The following CDH1 variants were observed in gnomAD, a reference collection of about 807,000 sequenced individuals.
CDH1 encodes the protein cadherin 1, also known as cadherin-1.
CDH1 carries 35 observed loss-of-function variants against 84.5 expected under a neutral mutation model. That is an observed-to-expected ratio of 0.41 (90% confidence interval 0.32 to 0.55). The LOEUF is 0.55. Ranked by LOEUF, CDH1 falls within the 20% of genes least tolerant of loss-of-function variation. CDH1 has a pLI of 0.19. For missense variants in CDH1, 994 were observed against 1,126.6 expected, an observed-to-expected ratio of 0.88 and a Z score of 1.68; for synonymous variants, 417 against 439.0, an observed-to-expected ratio of 0.95 and a Z score of 0.63.
rs149972947 is a variant in CDH1 at position 68,781,113 on chromosome 16, A to T, written c.164-20557A>T. 2.0e-3 allele frequency among the ~76,000 whole-genome samples: 303 copies of T among 152,236 alleles called. 4 individuals carry two copies. Among genetic ancestry groups the T allele is most frequent in the East Asian group, 0.017 (88 of 5,178 alleles). On this transcript the variant is annotated intron_variant, in intron 2 of 15. Transcript: ENST00000261769. ...CTCCATGTTCTCCTCTCACCTTTTG[A>T]CCACCCTGTCCCCACTCCTCAGCTG... is the stretch of plus-strand genomic sequence containing the variant.
intron 2 of CDH1, among the ~76,000 whole-genome samples, chr16:68,745,622 T>TATATATGTATGTGTGTATATATATAC (rs1555510516): frequency 6.8e-6 from 1 of 146,712 alleles, no homozygotes; most frequent in Non-Finnish European, 1.5e-5. Context: ...TATATATATA[T>TATATATGTATGTGTGTATATATATAC]ATATGTATAT....
intron 2 of CDH1, among the ~76,000 whole-genome samples, chr16:68,766,024 C>G (rs1420558887): frequency 6.6e-6 from 1 of 152,090 alleles, no homozygotes; most frequent in Non-Finnish European, 1.5e-5. Flanking sequence ...CTTTGGGAGG[C>G]CAAGGCAGGC....
rs36037011 is a variant in CDH1 at position 68,737,599 on chromosome 16, C to G, written c.48+136C>G. The G allele has an allele frequency of 0.032, 26,545 of 820,962 alleles. 566 individuals carry two copies. Among genetic ancestry groups the G allele is most frequent in the Non-Finnish European group, 0.041 (21,237 of 515,840 alleles). The allele number at this position is 820,962 out of a possible 1,614,324, so 50.9% of individuals were successfully genotyped here. Reference sequence around the variant, plus strand: ...TTCGGGTCCTGAGGAGCGGAGCGGCCTGGAAGCCTCGCGCGCTCCGGACCC... The same window carrying G: ...TTCGGGTCCTGAGGAGCGGAGCGGCGTGGAAGCCTCGCGCGCTCCGGACCC... On this transcript the variant is annotated intron_variant, in intron 1 of 15. Coordinates refer to ENST00000261769, the MANE Select transcript of CDH1 (RefSeq NM_004360.5).
At chr16:68,788,376 A>G (rs1960121308) in intron 2 of CDH1, among the ~76,000 whole-genome samples, 1 of 152,212 alleles carries the variant, frequency 6.6e-6, no homozygotes, top group Non-Finnish European at 1.5e-5. Context: ...TTGAGCTGTC[A>G]TCACAATCCA....
Position 68,796,548 on chromosome 16 carries a change from CTGA to C in CDH1, c.164-5121_164-5119del, listed in dbSNP as rs1243092209. On this transcript the variant is annotated intron_variant, in intron 2 of 15. Coordinates refer to ENST00000261769, the MANE Select transcript of CDH1 (RefSeq NM_004360.5). ...TGGCAATTTCAAGCAAGGAATGTTG[CTGA>C]ATGCTCAGAGCCTGCCCCAGGACCA... Among the ~76,000 whole-genome samples the C allele has an allele frequency of 2.6e-5, 4 of 152,086 alleles. No individual in the cohort carries two copies. In the East Asian group the frequency reaches 7.7e-4, roughly 29 times the overall value.
At chr16:68,768,041 C>T (rs1040096934) in intron 2 of CDH1, among the ~76,000 whole-genome samples, 8 of 152,002 alleles carry the variant, frequency 5.3e-5, no homozygotes, top group Non-Finnish European at 1.2e-4. Context: ...CTGCAACCTC[C>T]GCCTCCCGGG....
intron 10 of CDH1, among the ~76,000 whole-genome samples, 161 bp from the exon 11 acceptor site, chr16:68,819,119 G>A (rs1390194878): frequency 3.3e-5 from 5 of 152,134 alleles, no homozygotes; most frequent in African/African-American, 7.2e-5. Context: ...GCCTCCCAAA[G>A]TGTTGGGATT....
At chr16:68,776,939 C>G (rs1471286150) in intron 2 of CDH1, among the ~76,000 whole-genome samples, 1 of 152,214 alleles carries the variant, frequency 6.6e-6, no homozygotes, top group Non-Finnish European at 1.5e-5. Flanking sequence ...GACTTAACCT[C>G]AAGTATGTCT....
At chr16:68,738,758 G>A (rs1186674440) in intron 2 of CDH1, among the ~76,000 whole-genome samples, 1 of 151,752 alleles carries the variant, frequency 6.6e-6, no homozygotes, top group Non-Finnish European at 1.5e-5. Context: ...GAGTATTCCC[G>A]TTTTACAGTT....
At chr16:68,786,409 C>A (rs545451985) in intron 2 of CDH1, among the ~76,000 whole-genome samples, 5 of 151,642 alleles carry the variant, frequency 3.3e-5, no homozygotes, top group Non-Finnish European at 7.4e-5. Flanking sequence ...TGATCTCTGG[C>A]GATCCACATG....
Position 68,744,603 on chromosome 16 carries a change from C to A in CDH1, c.163+6192C>A, listed in dbSNP as rs570237390. On this transcript the variant is annotated intron_variant, in intron 2 of 15. Transcript: ENST00000261769. ...CTTCCTCTTACCTGCCTCCAATCCT[C>A]CACTTCTGCCCAAGATTTGGGTGGC... Among the ~76,000 whole-genome samples the A allele has an allele frequency of 3.9e-5, 6 of 152,264 alleles. No homozygotes were observed. The East Asian group carries it at 1.2e-3, about 29-fold the overall frequency.
Position 68,777,889 on chromosome 16 carries a change from G to A in CDH1, c.164-23781G>A, listed in dbSNP as rs1024764322. On this transcript the variant is annotated intron_variant, in intron 2 of 15. Transcript: ENST00000261769. Reference sequence around the variant, plus strand: ...AGGGACTACAGGCGCACACCACCACGCCCAGCTAACTTTTGTATTTTTAGT... The same window carrying A: ...AGGGACTACAGGCGCACACCACCACACCCAGCTAACTTTTGTATTTTTAGT... Among the ~76,000 whole-genome samples, 13 of 151,870 alleles carry A rather than the reference G, an allele frequency of 8.6e-5. No individual in the cohort carries two copies. The South Asian group carries it at 2.1e-3, about 24-fold the overall frequency.
chr16:68,743,646 G>A (rs1048295795), intron 2 of CDH1, among the ~76,000 whole-genome samples: 5 of 152,032 alleles, frequency 3.3e-5, no homozygotes, highest in African/African-American at 1.2e-4. Context: ...GATTACAGGC[G>A]TGAGCCACCG....
chr16:68,809,074 T>C, intron 5 of CDH1: 1 of 566,570 alleles, frequency 1.8e-6, no homozygotes, highest in Admixed American at 3.0e-5. Flanking sequence ...GCATGCATCC[T>C]CATACAACCA....
intron 2 of CDH1, among the ~76,000 whole-genome samples, chr16:68,756,980 G>T (rs922058020): frequency 6.6e-6 from 1 of 152,160 alleles, no homozygotes; most frequent in African/African-American, 2.4e-5. Context: ...TCCAGCTTGG[G>T]TGACAGAGCG....
At chr16:68,749,582 G>GTGGGTCCTGCCCAC (rs1427868503) in intron 2 of CDH1, among the ~76,000 whole-genome samples, 1 of 152,240 alleles carries the variant, frequency 6.6e-6, no homozygotes, top group Non-Finnish European at 1.5e-5. Flanking sequence ...GGGTTAGAGA[G>GTGGGTCCTGCCCAC]TGGGTCCTGC....
intron 2 of CDH1, among the ~76,000 whole-genome samples, chr16:68,750,864 C>T (rs139640049): frequency 3.3e-5 from 5 of 152,020 alleles, no homozygotes; most frequent in South Asian, 2.1e-4. Flanking sequence ...TCACCATGCC[C>T]GGCTAATTTT....
At position 68,808,326 on chromosome 16, in the gene CDH1, C is replaced by T. The variant is rs1597890297; in HGVS notation, c.388-98C>T. 3 of 1,258,774 alleles carry T rather than the reference C, an allele frequency of 2.4e-6. No individual in the cohort carries two copies. The East Asian group carries it at 6.9e-5, about 29-fold the overall frequency. The allele number at this position is 1,258,774 out of a possible 1,614,324, so 78.0% of individuals were successfully genotyped here. A position where few individuals can be genotyped will look rare whatever the true frequency, so the allele number is the denominator to read the frequency against. On this transcript the variant is annotated intron_variant, in intron 3 of 15. Transcript: ENST00000261769. ...TTAAATTCAAACTGTACACTGCCCA[C>T]AGAAGGCTGGGGACGCTGTCTGGCT...
At chr16:68,742,285 C>CT (rs971880052) in intron 2 of CDH1, among the ~76,000 whole-genome samples, 2,900 of 145,586 alleles carry the variant, frequency 0.02, 87 homozygotes, top group African/African-American at 0.067. Flanking sequence ...ATTTCCCCTC[C>CT]TTTTTTTTTT....
Sources: allele counts gnomAD v4.1 joint callset (sites outside exome capture counted in the v4.1 genomes callset), GRCh38; gene constraint gnomAD v4.1.1; transcripts MANE v1.5; gene names NCBI Gene and HGNC (gene_info 2026-07-23, HGNC 2026-07-21).